Variants in PCDH15 observed in about 807,000 individuals in gnomAD.
The protein encoded by PCDH15 is protocadherin-15.
PCDH15 carries 129 observed loss-of-function variants against 178.5 expected under a neutral mutation model. The ratio of observed to expected loss-of-function variants is 0.72; its 90% CI spans 0.63 to 0.84. The LOEUF is 0.84. Ranked by LOEUF, PCDH15 falls within the 40% of genes least tolerant of loss-of-function variation. The pLI, the probability that PCDH15 is intolerant of heterozygous loss-of-function variation, is 0.00. For missense variants in PCDH15, 2,230 were observed against 2,099.9 expected, an observed-to-expected ratio of 1.06 and a Z score of -1.21; for synonymous variants, 800 against 732.0, an observed-to-expected ratio of 1.09 and a Z score of -1.50.
rs529743700 is a variant in PCDH15, at chr10:55,342,333, T to C, written c.-155-175682A>G. Among the ~76,000 whole-genome samples, 4 of 152,124 alleles carry C rather than the reference T, an allele frequency of 2.6e-5. No individual in the cohort carries two copies. In the South Asian group the frequency reaches 8.3e-4, roughly 32 times the overall value. ...ACATACAATGTTATAAAGCATTTAATTTAAAAGTAGTTTATATAATTTGTT... is the reference window on the plus strand; with the variant it reads ...ACATACAATGTTATAAAGCATTTAACTTAAAAGTAGTTTATATAATTTGTT... On this transcript the variant is annotated intron_variant, in intron 2 of 5. Coordinates refer to the PCDH15 transcript ENST00000613346.
At chr10:55,170,201 G>T (rs1194577458) in intron 1 of PCDH15, among the ~76,000 whole-genome samples, 1 of 152,044 alleles carries the variant, frequency 6.6e-6, no homozygotes, top group East Asian at 1.9e-4. Context: ...CCAGGCTGAA[G>T]TACAGTGGCA....
chr10:54,622,277 G>C (rs943503443), intron 2 of PCDH15, among the ~76,000 whole-genome samples: 1 of 151,516 alleles, frequency 6.6e-6, no homozygotes, highest in African/African-American at 2.4e-5. Context: ...TTTATCTATT[G>C]TAAGGGGAAG....
chr10:54,990,618 A>C (rs1033377991), intron 2 of PCDH15, among the ~76,000 whole-genome samples: 5 of 152,220 alleles, frequency 3.3e-5, no homozygotes, highest in Admixed American at 2.0e-4. Flanking sequence ...AAAATTAGGT[A>C]ATACATACAG....
chr10:54,001,255 C>T (rs539894123), intron 20 of PCDH15, among the ~76,000 whole-genome samples: 10 of 152,262 alleles, frequency 6.6e-5, no homozygotes, highest in Non-Finnish European at 1.3e-4. Context: ...ACAAAACTCA[C>T]TGGTAATAGT....
At chr10:54,690,702 A>G (rs373147818) in intron 1 of PCDH15, among the ~76,000 whole-genome samples, 19 of 152,112 alleles carry the variant, frequency 1.2e-4, no homozygotes, top group African/African-American at 4.1e-4. Flanking sequence ...AGCTGTGGGG[A>G]GTTGCTAAAC....
At chr10:54,260,776 G>A (rs184725899) in intron 8 of PCDH15, among the ~76,000 whole-genome samples, 2 of 152,012 alleles carry the variant, frequency 1.3e-5, no homozygotes, top group Non-Finnish European at 2.9e-5. Context: ...ACTACTACAG[G>A]CATGCACCAT....
intron 21 of PCDH15, among the ~76,000 whole-genome samples, chr10:53,973,402 G>C (rs534428847): frequency 4.6e-5 from 7 of 151,896 alleles, no homozygotes; most frequent in Non-Finnish European, 8.8e-5. Flanking sequence ...TAACAAACCT[G>C]CACGTTGTGC....
At chr10:54,249,126 T>C (rs951052297) in intron 8 of PCDH15, among the ~76,000 whole-genome samples, 10 of 152,076 alleles carry the variant, frequency 6.6e-5, no homozygotes, top group African/African-American at 2.2e-4. Context: ...TTTGTATCAG[T>C]ATTTGTTATC....
intron 2 of PCDH15, chr10:54,607,753 A>G: frequency 2.8e-6 from 1 of 355,316 alleles, no homozygotes; most frequent in Non-Finnish European, 5.5e-6. Flanking sequence ...CAATAAATCA[A>G]TGGTAACTTT....
At chr10:54,211,804 G>T (rs1168835469) in intron 10 of PCDH15, among the ~76,000 whole-genome samples, 1 of 152,042 alleles carries the variant, frequency 6.6e-6, no homozygotes, top group African/African-American at 2.4e-5. Context: ...CTGCCAGATT[G>T]TAGCATTTCA....
chr10:54,080,299 G>A (rs2094416902), intron 16 of PCDH15, among the ~76,000 whole-genome samples: 1 of 152,008 alleles, frequency 6.6e-6, no homozygotes, highest in African/African-American at 2.4e-5. Flanking sequence ...TCACTGCTCA[G>A]AATAAATGTT....
At chr10:54,443,107 C>T (rs2075931774) in intron 3 of PCDH15, among the ~76,000 whole-genome samples, 1 of 151,602 alleles carries the variant, frequency 6.6e-6, no homozygotes, top group Non-Finnish European at 1.5e-5. Context: ...GTTTGACAAG[C>T]ATCTGAAATC....
chr10:54,167,208 G>A (rs933629537), intron 13 of PCDH15, among the ~76,000 whole-genome samples: 1 of 152,090 alleles, frequency 6.6e-6, no homozygotes, highest in Non-Finnish European at 1.5e-5. Context: ...CCCTGAGAAA[G>A]ATCCACCTAT....
At chr10:54,689,144 A>C (rs189099796) in intron 1 of PCDH15, among the ~76,000 whole-genome samples, 51 of 152,118 alleles carry the variant, frequency 3.4e-4, no homozygotes, top group African/African-American at 1.2e-3. Flanking sequence ...CAACTACATA[A>C]ACCTTAAAAT....
chr10:54,695,030 AC>A (rs2095197156), intron 1 of PCDH15, among the ~76,000 whole-genome samples: 1 of 151,458 alleles, frequency 6.6e-6, no homozygotes, highest in Non-Finnish European at 1.5e-5. Context: ...TGATAAGAAA[AC>A]AAAACAGTCA....
At chr10:53,993,779 CAA>C (rs1384398855) in intron 21 of PCDH15, among the ~76,000 whole-genome samples, 2 of 152,110 alleles carry the variant, frequency 1.3e-5, no homozygotes, top group Non-Finnish European at 2.9e-5. Flanking sequence ...CAGTTTGCAA[CAA>C]TGATTCAAAA....
chr10:54,425,273 T>C (rs111468926), intron 3 of PCDH15, among the ~76,000 whole-genome samples: 49 of 152,002 alleles, frequency 3.2e-4, no homozygotes, highest in African/African-American at 1.2e-3. Flanking sequence ...CATTCGTGAG[T>C]GGATTAATGG....
intron 1 of PCDH15, among the ~76,000 whole-genome samples, chr10:55,210,599 T>G (rs1006089681): frequency 2.7e-5 from 4 of 148,918 alleles, no homozygotes; most frequent in African/African-American, 9.8e-5. Context: ...TCTCACGATT[T>G]TTTTTTCTTT....
chr10:55,362,850 T>A (rs750415053), intron 2 of PCDH15, among the ~76,000 whole-genome samples: 10 of 152,156 alleles, frequency 6.6e-5, no homozygotes, highest in African/African-American at 9.7e-5. Flanking sequence ...ATTTGGTCAT[T>A]TCAAGAAGAT....
Sources: gnomAD v4.1 joint callset for allele counts (sites outside exome capture counted in the v4.1 genomes callset) on GRCh38, gnomAD v4.1.1 for gene constraint, MANE v1.5 for transcripts, NCBI Gene and HGNC (gene_info 2026-07-23, HGNC 2026-07-21) for gene names.